CCNE1: variants seen among roughly 807,000 people sequenced by gnomAD.
CCNE1 encodes cyclin E1.
A neutral mutation model predicts 54.1 loss-of-function variants in CCNE1; 8 were observed. The observed-to-expected ratio is 0.15, with a 90% CI of 0.09 to 0.27. CCNE1 has a LOEUF of 0.27. Among genes scored for constraint, CCNE1 ranks in the 10% least tolerant of loss-of-function variants. CCNE1 has a pLI of 1.00. For synonymous variants in CCNE1, 179 were observed against 185.2 expected (o/e 0.97, Z 0.27); for missense variants, 430 against 514.9 (o/e 0.84, Z 1.60).
rs1325969654 is a variant in CCNE1, at chr19:29,821,778, A to G, written c.666A>G (p.Ser222=). 6.2e-7 allele frequency: 1 copy of G among 1,613,354 alleles called. No individual in the cohort carries two copies. The highest frequency in any genetic ancestry group is 8.5e-7 in the Non-Finnish European group (1 of 1,179,472). The part of the protein sequence containing the change: ...QFAYVTDGAC[S]GDEILTMELM... ...CGTATGTGACAGATGGAGCTTGTTC[A>G]GGAGATGAAATTCTCACCATGGAAT... The change falls in exon 8 of 12, where the codon TCA becomes TCG. Residue 222 remains serine, a synonymous_variant. Transcript: ENST00000262643.
At chr19:29,815,514 C>T (rs1973991811) in intron 4 of CCNE1, among the ~76,000 whole-genome samples, 1 of 152,120 alleles carries the variant, frequency 6.6e-6, no homozygotes, top group Non-Finnish European at 1.5e-5. Flanking sequence ...TTGTGGTCGC[C>T]ACCATGTGCT....
chr19:29,816,689 A>C (rs975973049), intron 4 of CCNE1, among the ~76,000 whole-genome samples: 1 of 152,220 alleles, frequency 6.6e-6, no homozygotes, highest in Admixed American at 6.5e-5. Context: ...ATGGCAGCCA[A>C]ATTTACATTT....
At position 29,824,026 on chromosome 19, in the gene CCNE1, C is replaced by A; in HGVS notation, c.*249C>A. ...CAGACACCAGTGCGTGCTCCCGATG[C>A]TGCTATGGAAGGTGCTACTTGACCT... On this transcript the variant is annotated 3_prime_UTR_variant, in exon 12 of 12. Coordinates refer to ENST00000262643, the MANE Select transcript of CCNE1 (RefSeq NM_001238.4). The A allele has an allele frequency of 5.1e-6, 2 of 391,316 alleles. No homozygotes were observed. Among genetic ancestry groups the A allele is most frequent in the Non-Finnish European group, 9.1e-6 (2 of 218,704 alleles). The allele number at this position is 391,316 out of a possible 1,614,324, so 24.2% of individuals were successfully genotyped here. A position where few individuals can be genotyped will look rare whatever the true frequency, so the allele number is the denominator to read the frequency against.
intron 4 of CCNE1, among the ~76,000 whole-genome samples, chr19:29,815,778 G>A (rs1169762909): frequency 6.6e-6 from 1 of 151,290 alleles, no homozygotes; most frequent in African/African-American, 2.4e-5. Flanking sequence ...ACAGGCGCCC[G>A]CTACCACACC....
At position 29,818,321 on chromosome 19, in the gene CCNE1, C is replaced by T. The variant is rs1974075426; in HGVS notation, c.462+780C>T. ...GATTACAGGCGTGAGCCACCGCACC[C>T]TGCCTAATTTTTGTATTTTTAGAAG... On this transcript the variant is annotated intron_variant, in intron 6 of 11. Coordinates refer to ENST00000262643, the MANE Select transcript of CCNE1 (RefSeq NM_001238.4). Among the ~76,000 whole-genome samples, 5 of 152,004 alleles carry T rather than the reference C, an allele frequency of 3.3e-5. No homozygotes were observed. The South Asian group carries it at 8.3e-4, about 25-fold the overall frequency.
intron 4 of CCNE1, chr19:29,813,418 T>TA (rs1973940599): frequency 5.2e-6 from 1 of 190,830 alleles, no homozygotes; most frequent in Admixed American, 5.7e-5. Context: ...GCCTTGTCTG[T>TA]AAAAGCTGGT....
chr19:29,815,879 G>T (rs909494230), intron 4 of CCNE1, among the ~76,000 whole-genome samples: 2 of 151,640 alleles, frequency 1.3e-5, no homozygotes, highest in African/African-American at 2.4e-5. Flanking sequence ...AAAATGCCAG[G>T]TGCGGTGGCT....
intron 3 of CCNE1, 39 bp downstream of exon 3, chr19:29,812,815 A>G (rs1305138603): frequency 1.4e-6 from 2 of 1,398,276 alleles, no homozygotes; most frequent in African/African-American, 2.9e-5. Flanking sequence ...CATCCCCCCC[A>G]TCTCACCTGG....
At chr19:29,821,215 A>G (rs1169657708) in intron 7 of CCNE1, among the ~76,000 whole-genome samples, 1 of 152,154 alleles carries the variant, frequency 6.6e-6, no homozygotes, top group African/African-American at 2.4e-5. Flanking sequence ...GTGAAATACC[A>G]TTTGTACTAA....
In CCNE1 at chr19:29,817,199, A is replaced by G; in HGVS notation, c.243A>G (p.Glu81=). 6.2e-7 allele frequency: 1 copy of G among 1,614,218 alleles called. No homozygotes were observed. Among genetic ancestry groups the G allele is most frequent in the Non-Finnish European group, 8.5e-7 (1 of 1,180,046 alleles). ...PCSLIPTPDK[E]DDDRVYPNST... is the part of the protein sequence containing the mutation. ...CCCTGATCCCCACACCTGACAAAGA[A>G]GATGATGACCGGGTTTACCCAAACT... is the stretch of plus-strand genomic sequence containing the variant. The change falls in exon 5 of 12, where the codon GAA becomes GAG. Residue 81 remains glutamate, a synonymous_variant. Coordinates refer to ENST00000262643, the MANE Select transcript of CCNE1 (RefSeq NM_001238.4).
intron 7 of CCNE1, 88 bp downstream of exon 7, chr19:29,820,936 T>C: frequency 1.0e-6 from 1 of 1,004,004 alleles, no homozygotes; most frequent in Non-Finnish European, 1.5e-6. Flanking sequence ...GCTTAGCCTA[T>C]AGCACTCATC....
chr19:29,820,897 C>T (rs1568370471), intron 7 of CCNE1, 49 bp downstream of exon 7: 1 of 1,432,782 alleles, frequency 7.0e-7, no homozygotes, highest in Non-Finnish European at 9.8e-7. Flanking sequence ...ATTTCTCGAG[C>T]TCCACTGAGA....
intron 6 of CCNE1, among the ~76,000 whole-genome samples, chr19:29,819,789 G>A (rs1974107961): frequency 6.6e-6 from 1 of 152,202 alleles, no homozygotes; most frequent in Non-Finnish European, 1.5e-5. Context: ...TGGGTGAGAA[G>A]TGGGCTTTTC....
chr19:29,824,206 C>T lies in CCNE1; in HGVS notation c.*429C>T, dbSNP rs543852265. On this transcript the variant is annotated 3_prime_UTR_variant, in exon 12 of 12. Coordinates refer to ENST00000262643, the MANE Select transcript of CCNE1 (RefSeq NM_001238.4). Reference sequence around the variant, plus strand: ...CATAGCCAGCTGGGCAGGGGGCTGCCCTCTCCACATTATCAGTTGACAGTG... The same window carrying T: ...CATAGCCAGCTGGGCAGGGGGCTGCTCTCTCCACATTATCAGTTGACAGTG... 248 of 249,086 alleles carry T rather than the reference C, an allele frequency of 1.0e-3. No individual in the cohort carries two copies. The highest frequency in any genetic ancestry group is 5.0e-3 in the African/African-American group (230 of 45,874). 15.4% of individuals were successfully genotyped at this position (249,086 alleles called of 1,614,324 possible). A position where few individuals can be genotyped will look rare whatever the true frequency, so the allele number is the denominator to read the frequency against.
At position 29,823,768 on chromosome 19, in the gene CCNE1, A is replaced by AATGGC; in HGVS notation, c.1225_1229dup (p.Ter411TrpfsTer93). On this transcript the variant is annotated frameshift_variant, in exon 12 of 12. Coordinates refer to ENST00000262643, the MANE Select transcript of CCNE1 (RefSeq NM_001238.4). LOFTEE classifies it high-confidence loss of function. The stretch of plus-strand genomic sequence containing the variant: ...GTAAGAAGCAGAGCAGCGGGCCGGA[A>AATGGC]ATGGCGTGACCACCCCATCCTTCTC... 1 of 1,612,452 alleles carries AATGGC rather than the reference A, an allele frequency of 6.2e-7. No homozygotes were observed. The highest frequency in any genetic ancestry group is 8.5e-7 in the Non-Finnish European group (1 of 1,179,170).
intron 7 of CCNE1, 47 bp from the exon 8 acceptor site, chr19:29,821,675 G>A (rs3218065): frequency 0.013 from 14,312 of 1,078,090 alleles, 152 homozygotes; most frequent in Non-Finnish European, 0.015. Context: ...AATTGAGACT[G>A]TTAGAGATTG....
intron 11 of CCNE1, 25 bp downstream of exon 11, chr19:29,822,628 CCTT>C: frequency 6.3e-7 from 1 of 1,586,082 alleles, no homozygotes; most frequent in Middle Eastern, 1.8e-4. Context: ...TTCTTTCAGT[CCTT>C]CTTGGCCAAA....
intron 4 of CCNE1, among the ~76,000 whole-genome samples, chr19:29,814,028 G>T (rs530225049): frequency 3.3e-5 from 5 of 152,198 alleles, no homozygotes; most frequent in Non-Finnish European, 4.4e-5. Flanking sequence ...AACGCAGTGC[G>T]CCGTGTTCTA....
In CCNE1 at chr19:29,817,219, C is replaced by G. The variant is rs1232451679; in HGVS notation, c.263C>G (p.Pro88Arg). ...PDKEDDDRVY[P>R]NSTCKPRIIA... ...AAAGAAGATGATGACCGGGTTTACC[C>G]AAACTCAACGTGCAAGCCTCGGATT... The change falls in exon 5 of 12, where the codon CCA becomes CGA. Residue 88 changes from proline (P) to arginine (R), a missense_variant. Physicochemically the swap from Pro to Arg is moderately radical, Grantham distance 103 (BLOSUM62 -2). Coordinates refer to ENST00000262643, the MANE Select transcript of CCNE1 (RefSeq NM_001238.4). 1 of 1,614,048 alleles carries G rather than the reference C, an allele frequency of 6.2e-7. No homozygotes were observed. The highest frequency in any genetic ancestry group is 1.3e-5 in the African/African-American group (1 of 74,914).
Sources: gnomAD v4.1 joint callset for allele counts (sites outside exome capture counted in the v4.1 genomes callset) on GRCh38, gnomAD v4.1.1 for gene constraint, MANE v1.5 for transcripts, NCBI Gene and HGNC (gene_info 2026-07-23, HGNC 2026-07-21) for gene names.